SERGEF: variants seen among roughly 807,000 people sequenced by gnomAD.
SERGEF encodes secretion regulating guanine nucleotide exchange factor, also known as secretion-regulating guanine nucleotide exchange factor.
In SERGEF, 51 loss-of-function variants were observed where a neutral mutation model predicts 50.0. The observed-to-expected ratio is 1.02, with a 90% CI of 0.81 to 1.29. The LOEUF (loss-of-function observed/expected upper bound fraction) is 1.29, where lower values mean the gene tolerates loss of function less well. SERGEF is among the 50% of genes most tolerant of loss of function. The pLI is 0.00. For synonymous variants in SERGEF, 205 were observed against 212.4 expected, an observed-to-expected ratio of 0.97 and a Z score of 0.30; for missense variants, 521 against 557.0, an observed-to-expected ratio of 0.94 and a Z score of 0.65.
intron 10 of SERGEF, chr11:17,855,164 A>G (rs903010692): frequency 6.6e-6 from 1 of 152,120 alleles, no homozygotes; most frequent in African/African-American, 2.4e-5. Flanking sequence ...TTCCAACCAT[A>G]CTTGTACTTG....
At chr11:17,974,134 G>A (rs1226422882) in intron 8 of SERGEF, among the ~76,000 whole-genome samples, 2 of 152,138 alleles carry the variant, frequency 1.3e-5, no homozygotes, top group Non-Finnish European at 2.9e-5. Flanking sequence ...GACCCAGGAT[G>A]GGACGGCCAC....
At chr11:17,853,028 G>A (rs1850742047) in intron 10 of SERGEF, among the ~76,000 whole-genome samples, 1 of 152,168 alleles carries the variant, frequency 6.6e-6, no homozygotes, top group Non-Finnish European at 1.5e-5. Flanking sequence ...GTAGCACGGA[G>A]TCTGGAACTG....
intron 10 of SERGEF, among the ~76,000 whole-genome samples, chr11:17,841,028 A>C (rs1038861157): frequency 6.6e-6 from 1 of 152,180 alleles, no homozygotes; most frequent in Non-Finnish European, 1.5e-5. Flanking sequence ...CTCTCCCCAG[A>C]CTGTTCCTGT....
At chr11:17,939,469 AG>A (rs1278453104) in intron 9 of SERGEF, 1 of 152,210 alleles carries the variant, frequency 6.6e-6, no homozygotes, top group Non-Finnish European at 1.5e-5. Context: ...AACTCCCCTG[AG>A]CCCCACCTGT....
chr11:17,790,306 T>C (rs1250402870), intron 10 of SERGEF, among the ~76,000 whole-genome samples: 1 of 152,188 alleles, frequency 6.6e-6, no homozygotes, highest in Non-Finnish European at 1.5e-5. Context: ...TAGTTTGTTT[T>C]AAAGACTTAC....
intron 9 of SERGEF, among the ~76,000 whole-genome samples, chr11:17,887,723 A>T (rs1851456952): frequency 6.6e-6 from 1 of 152,256 alleles, no homozygotes; most frequent in Admixed American, 6.5e-5. Flanking sequence ...GCTTACTTCT[A>T]TCAAAAGGCA....
intron 8 of SERGEF, among the ~76,000 whole-genome samples, chr11:17,972,046 G>A (rs1853257870): frequency 6.6e-6 from 1 of 152,232 alleles, no homozygotes; most frequent in African/African-American, 2.4e-5. Context: ...AGGTGACTGA[G>A]TTGCTGCAAT....
At chr11:17,880,253 C>T (rs1014656557) in intron 9 of SERGEF, among the ~76,000 whole-genome samples, 1 of 152,190 alleles carries the variant, frequency 6.6e-6, no homozygotes, top group Admixed American at 6.5e-5. Flanking sequence ...GACCTGAGGG[C>T]TCCCACTATG....
chr11:17,926,214 A>G (rs1301354217), intron 9 of SERGEF, among the ~76,000 whole-genome samples: 1 of 151,992 alleles, frequency 6.6e-6, no homozygotes, highest in Non-Finnish European at 1.5e-5. Flanking sequence ...TGCCTCCATC[A>G]GGAGATATCT....
At chr11:17,949,549 A>G (rs1455706106) in intron 9 of SERGEF, among the ~76,000 whole-genome samples, 1 of 152,038 alleles carries the variant, frequency 6.6e-6, no homozygotes, top group Non-Finnish European at 1.5e-5. Context: ...CAAAACCCAT[A>G]CCCTGCTCAG....
chr11:17,866,250 C>T (rs576809816), intron 10 of SERGEF, among the ~76,000 whole-genome samples: 39 of 152,298 alleles, frequency 2.6e-4, no homozygotes, highest in Non-Finnish European at 4.1e-4. Context: ...TAATGCCTTA[C>T]GGCTGCTCTG....
At chr11:17,974,513 T>G (rs1853326322) in intron 8 of SERGEF, among the ~76,000 whole-genome samples, 3 of 152,158 alleles carry the variant, frequency 2.0e-5, no homozygotes, top group Non-Finnish European at 1.5e-5. Flanking sequence ...AACAGCCCTG[T>G]TACATAAAGG....
At chr11:17,977,134 A>G (rs918677981) in intron 8 of SERGEF, among the ~76,000 whole-genome samples, 10 of 152,254 alleles carry the variant, frequency 6.6e-5, no homozygotes, top group African/African-American at 2.2e-4. Context: ...TCTCTCGTCT[A>G]TAGTTGGAGA....
At chr11:17,873,496 T>A (rs2133894143) in intron 10 of SERGEF, among the ~76,000 whole-genome samples, 1 of 152,310 alleles carries the variant, frequency 6.6e-6, no homozygotes, top group South Asian at 2.1e-4. Flanking sequence ...ATTTTCCTAT[T>A]AAATTCTTAC....
chr11:18,008,922 A>G (rs1188980294), intron 1 of SERGEF, among the ~76,000 whole-genome samples: 1 of 152,068 alleles, frequency 6.6e-6, no homozygotes, highest in Non-Finnish European at 1.5e-5. Context: ...GTCCAACCTG[A>G]AGAAAAATGA....
chr11:17,812,869 C>T (rs1849899608), intron 10 of SERGEF, among the ~76,000 whole-genome samples: 1 of 152,178 alleles, frequency 6.6e-6, no homozygotes, highest in Non-Finnish European at 1.5e-5. Context: ...GACCAACCTC[C>T]TTCTGGTTTA....
chr11:17,905,373 G>A (rs1480112962), intron 9 of SERGEF, among the ~76,000 whole-genome samples: 3 of 152,216 alleles, frequency 2.0e-5, no homozygotes, highest in Admixed American at 1.3e-4. Context: ...AATGGCCTGG[G>A]TTCTTGACAC....
chr11:17,990,587 G>A (rs1853692702), intron 7 of SERGEF, among the ~76,000 whole-genome samples: 1 of 152,154 alleles, frequency 6.6e-6, no homozygotes, highest in African/African-American at 2.4e-5. Flanking sequence ...CCATCTTTTT[G>A]AAAGTCAAAC....
chr11:17,901,385 C>A (rs11827994), intron 9 of SERGEF, among the ~76,000 whole-genome samples: 1 of 152,214 alleles, frequency 6.6e-6, no homozygotes, highest in Non-Finnish European at 1.5e-5. Context: ...TCAAAACCTG[C>A]TAATGGCTCC....
Sources: gnomAD v4.1 joint callset for allele counts (sites outside exome capture counted in the v4.1 genomes callset) on GRCh38, gnomAD v4.1.1 for gene constraint, MANE v1.5 for transcripts, NCBI Gene and HGNC (gene_info 2026-07-23, HGNC 2026-07-21) for gene names.